The following MSRA variants were observed in gnomAD, a reference collection of about 807,000 sequenced individuals.
MSRA encodes methionine sulfoxide reductase A.
MSRA carries 54 observed loss-of-function variants against 31.3 expected under a neutral mutation model. The ratio of observed to expected loss-of-function variants is 1.73; its 90% CI spans 1.39 to 2.17. The LOEUF is 2.17. Ranked by LOEUF, MSRA falls within the 30% of genes most tolerant of loss-of-function variation. MSRA has a pLI of 0.00. For synonymous variants in MSRA, 169 were observed against 116.5 expected (o/e 1.45, Z -2.90); for missense variants, 507 against 300.9 (o/e 1.69, Z -5.07).
intron 5 of MSRA, among the ~76,000 whole-genome samples, chr8:10,372,802 A>G (rs1418647222): frequency 6.6e-6 from 1 of 152,228 alleles, no homozygotes; most frequent in Non-Finnish European, 1.5e-5. Context: ...GACAACTAAA[A>G]CCAGTCTAGA....
chr8:10,257,073 A>T (rs910724168), intron 3 of MSRA, among the ~76,000 whole-genome samples: 1 of 152,204 alleles, frequency 6.6e-6, no homozygotes, highest in South Asian at 2.1e-4. Context: ...TCAGATGTTG[A>T]TGTGCCCTTT....
chr8:10,099,104 T>C (rs920741140), intron 1 of MSRA, among the ~76,000 whole-genome samples: 1 of 150,460 alleles, frequency 6.6e-6, no homozygotes, highest in Non-Finnish European at 1.5e-5. Context: ...TGTGTATGTT[T>C]GTGAGTGAGA....
intron 1 of MSRA, among the ~76,000 whole-genome samples, chr8:10,196,261 TG>T (rs1234173039): frequency 6.6e-6 from 1 of 152,180 alleles, no homozygotes; most frequent in African/African-American, 2.4e-5. Context: ...CTTCGTGCTG[TG>T]GTGTAGAACT....
intron 1 of MSRA, among the ~76,000 whole-genome samples, chr8:10,070,725 A>G (rs1797692558): frequency 6.6e-6 from 1 of 152,308 alleles, no homozygotes; most frequent in South Asian, 2.1e-4. Flanking sequence ...TCATCATTTC[A>G]AGGATTTTAC....
At chr8:10,275,792 G>A (rs1799289692) in intron 3 of MSRA, among the ~76,000 whole-genome samples, 5 of 152,080 alleles carry the variant, frequency 3.3e-5, no homozygotes, top group African/African-American at 1.2e-4. Context: ...AAAAAAGCAG[G>A]GCCCAGAGAT....
Position 10,316,266 on chromosome 8 carries a change from C to G in MSRA, c.437-3617C>G, listed in dbSNP as rs1434818209. ...ACTTAAATTATATATATTTACAAAT[C>G]GGAATAATAGTGGTTAAGATCATGG... On this transcript the variant is annotated intron_variant, in intron 4 of 5. Transcript: ENST00000317173. Among the ~76,000 whole-genome samples the G allele has an allele frequency of 6.6e-5, 10 of 150,778 alleles. No homozygotes were observed. The East Asian group carries it at 1.9e-3, about 29-fold the overall frequency.
chr8:10,173,675 T>G (rs1805794764), intron 1 of MSRA, among the ~76,000 whole-genome samples: 1 of 152,224 alleles, frequency 6.6e-6, no homozygotes, highest in African/African-American at 2.4e-5. Flanking sequence ...CAGGCTCAAC[T>G]TTTCAAGATG....
intron 3 of MSRA, among the ~76,000 whole-genome samples, chr8:10,264,690 T>C (rs865829447): frequency 3.1e-4 from 47 of 152,154 alleles, no homozygotes; most frequent in African/African-American, 1.1e-3. Flanking sequence ...AATGGCCTTC[T>C]GGTGCACGTG....
chr8:10,170,709 A>G (rs1194338513), intron 1 of MSRA, among the ~76,000 whole-genome samples: 1 of 152,186 alleles, frequency 6.6e-6, no homozygotes, highest in Non-Finnish European at 1.5e-5. Context: ...ATTTTATGTC[A>G]GGGACTTGGG....
chr8:10,222,219 A>C (rs930858401), intron 2 of MSRA, among the ~76,000 whole-genome samples: 4 of 152,122 alleles, frequency 2.6e-5, no homozygotes, highest in African/African-American at 4.8e-5. Context: ...AACTACTTTT[A>C]ATAATAATAC....
intron 5 of MSRA, among the ~76,000 whole-genome samples, chr8:10,410,665 G>T (rs1299580988): frequency 2.0e-5 from 3 of 152,142 alleles, no homozygotes; most frequent in Non-Finnish European, 4.4e-5. Context: ...GGCCCCTCTT[G>T]TCCCCAACCT....
rs184339164 is a variant in MSRA, at chr8:10,196,025, G to A, written c.143-11808G>A. 4.1e-3 allele frequency among the ~76,000 whole-genome samples: 620 copies of A among 152,292 alleles called. 9 individuals carry two copies. The highest frequency in any genetic ancestry group is 0.037 in the Middle Eastern group (11 of 294). On this transcript the variant is annotated intron_variant, in intron 1 of 5. Transcript: ENST00000317173. ...TCAGGCTCAGCTGACCATTACCTCCGATCATTTATCACTGTCAGAGAGGAG... is the reference window on the plus strand; with the variant it reads ...TCAGGCTCAGCTGACCATTACCTCCAATCATTTATCACTGTCAGAGAGGAG...
chr8:10,347,636 C>A (rs1803867162), intron 5 of MSRA, among the ~76,000 whole-genome samples: 1 of 152,242 alleles, frequency 6.6e-6, no homozygotes, highest in Non-Finnish European at 1.5e-5. Context: ...TCCACGCCAT[C>A]CCAAAGTTCC....
chr8:10,245,296 C>T (rs1053335566), intron 3 of MSRA, 73 bp downstream of exon 3: 1 of 1,376,756 alleles, frequency 7.3e-7, no homozygotes, highest in African/African-American at 1.5e-5. Context: ...GGGTGACAGG[C>T]TCTTTAAAAT....
At chr8:10,297,306 A>G (rs1212742221) in intron 3 of MSRA, among the ~76,000 whole-genome samples, 1 of 152,166 alleles carries the variant, frequency 6.6e-6, no homozygotes, top group African/African-American at 2.4e-5. Flanking sequence ...AGATGCTTAG[A>G]GAGGACATCA....
intron 5 of MSRA, among the ~76,000 whole-genome samples, chr8:10,325,339 A>T (rs2003225): frequency 6.6e-6 from 1 of 151,736 alleles, no homozygotes; most frequent in Non-Finnish European, 1.5e-5. Context: ...TATAATACGT[A>T]TATCTATATA....
intron 5 of MSRA, among the ~76,000 whole-genome samples, chr8:10,336,018 A>G (rs1309865548): frequency 6.6e-6 from 1 of 152,076 alleles, no homozygotes; most frequent in African/African-American, 2.4e-5. Flanking sequence ...TTCCCTCTGG[A>G]CATGTCACAC....
intron 4 of MSRA, among the ~76,000 whole-genome samples, chr8:10,312,698 C>T (rs1201644195): frequency 6.6e-6 from 1 of 152,214 alleles, no homozygotes; most frequent in Non-Finnish European, 1.5e-5. Context: ...AATAATACAT[C>T]ATGACCAATT....
intron 2 of MSRA, among the ~76,000 whole-genome samples, chr8:10,238,732 C>T (rs1180938161): frequency 1.3e-5 from 2 of 152,120 alleles, no homozygotes; most frequent in Middle Eastern, 3.4e-3. Context: ...AACTGAATCC[C>T]CACCTCACCC....
Sources: gnomAD v4.1 joint callset for allele counts (sites outside exome capture counted in the v4.1 genomes callset) on GRCh38, gnomAD v4.1.1 for gene constraint, MANE v1.5 for transcripts, NCBI Gene and HGNC (gene_info 2026-07-23, HGNC 2026-07-21) for gene names.